Variants in FRMD6 observed in about 807,000 individuals in gnomAD.
FRMD6 encodes FERM domain containing 6.
A neutral mutation model predicts 73.2 loss-of-function variants in FRMD6; 37 were observed. The ratio of observed to expected loss-of-function variants is 0.51; its 90% CI spans 0.39 to 0.66. The LOEUF is 0.66. Among genes scored for constraint, FRMD6 ranks in the 30% least tolerant of loss-of-function variants. The pLI is 0.00. For synonymous variants in FRMD6, 273 were observed against 282.2 expected (o/e 0.97, Z 0.33); for missense variants, 714 against 780.5 (o/e 0.91, Z 1.02).
chr14:51,418,381 C>T, the FRMD6 span, among the ~76,000 whole-genome samples: 25 of 152,192 alleles, frequency 1.6e-4, no homozygotes, highest in South Asian at 1.0e-3. Context: ...TGTTCCTTTC[C>T]GTTTGTTAGT....
intron 2 of FRMD6, among the ~76,000 whole-genome samples, chr14:51,609,426 A>T (rs563645595): frequency 2.0e-4 from 30 of 152,368 alleles, no homozygotes; most frequent in African/African-American, 6.3e-4. Context: ...CTCCACAGAC[A>T]TCGGTGTATG....
chr14:51,711,669 C>A, intron 8 of FRMD6, 73 bp downstream of exon 8: 2 of 1,094,504 alleles, frequency 1.8e-6, no homozygotes, highest in Non-Finnish European at 2.8e-6. Context: ...GTGGTCCTGC[C>A]ACAGGTTCAG....
At chr14:51,444,734 G>A in the FRMD6 span, among the ~76,000 whole-genome samples, 7 of 152,148 alleles carry the variant, frequency 4.6e-5, no homozygotes, top group African/African-American at 1.4e-4. Flanking sequence ...TTCTTCAGAT[G>A]TCTAAATTGT....
intron 1 of FRMD6, among the ~76,000 whole-genome samples, chr14:51,544,254 G>T (rs1009287888): frequency 2.0e-5 from 3 of 151,878 alleles, no homozygotes; most frequent in Non-Finnish European, 4.4e-5. Flanking sequence ...ATGGAATGAG[G>T]TTTTTAAAAC....
chr14:51,718,296 T>G (rs1897342694), intron 10 of FRMD6, among the ~76,000 whole-genome samples: 1 of 152,166 alleles, frequency 6.6e-6, no homozygotes, highest in Non-Finnish European at 1.5e-5. Context: ...GGCAAGTACT[T>G]GTCTTCTCGT....
chr14:51,727,072 C>T (rs1898004031), intron 13 of FRMD6, among the ~76,000 whole-genome samples: 1 of 151,924 alleles, frequency 6.6e-6, no homozygotes, highest in South Asian at 2.1e-4. Flanking sequence ...TGGCGGAACC[C>T]CCCCACCCCC....
chr14:51,467,625 A>T, the FRMD6 span, among the ~76,000 whole-genome samples: 19 of 151,264 alleles, frequency 1.3e-4, no homozygotes, highest in Non-Finnish European at 1.8e-4. Context: ...GCGGCCGGTC[A>T]GAGACGCTCC....
chr14:51,688,163 G>A (rs1895300844), intron 1 of FRMD6, among the ~76,000 whole-genome samples: 1 of 151,890 alleles, frequency 6.6e-6, no homozygotes, highest in Non-Finnish European at 1.5e-5. Context: ...ATAGTTTGTG[G>A]TCCTAGAACA....
At chr14:51,562,949 G>A (rs533483626) in intron 1 of FRMD6, among the ~76,000 whole-genome samples, 61 of 152,346 alleles carry the variant, frequency 4.0e-4, no homozygotes, top group African/African-American at 1.4e-3. Context: ...TGGGACCTCA[G>A]CTAGGGAGAC....
At chr14:51,489,350 C>T (rs1882861514) in exon 1 of FRMD6, 1 of 152,638 alleles carries the variant, frequency 6.6e-6, no homozygotes, top group Admixed American at 6.5e-5. Context: ...GGGGCAGGAG[C>T]TGAAGATTAA....
the FRMD6 span, among the ~76,000 whole-genome samples, chr14:51,418,527 G>C: frequency 1.3e-5 from 2 of 152,204 alleles, no homozygotes; most frequent in South Asian, 4.1e-4. Flanking sequence ...AAGTATTGCT[G>C]CCTGATCCTT....
chr14:51,453,101 A>C, the FRMD6 span, among the ~76,000 whole-genome samples: 355 of 152,284 alleles, frequency 2.3e-3, 1 homozygote, highest in African/African-American at 7.6e-3. Flanking sequence ...GCAGTAATTT[A>C]AGATGAGTGA....
At chr14:51,463,482 A>C in the FRMD6 span, among the ~76,000 whole-genome samples, 3 of 152,226 alleles carry the variant, frequency 2.0e-5, no homozygotes, top group Non-Finnish European at 1.5e-5. Context: ...TTCAATTTGC[A>C]GTTGGTTAAA....
At chr14:51,565,475 G>A (rs542297119) in intron 1 of FRMD6, 1 of 152,196 alleles carries the variant, frequency 6.6e-6, no homozygotes, top group Non-Finnish European at 1.5e-5. Flanking sequence ...TTGCCCAAAG[G>A]TAGTTTGGGT....
In FRMD6 at chr14:51,727,042, C is replaced by T. The variant is rs139941077; in HGVS notation, c.1585-703C>T. On this transcript the variant is annotated intron_variant, in intron 13 of 13. Transcript: ENST00000344768. ...CTTGGGATAATAAAAAAAAGTCTGC[C>T]CCCTGCTGTGTACAGCATTTGGCGG... is the stretch of plus-strand genomic sequence containing the variant. Among the ~76,000 whole-genome samples the T allele has an allele frequency of 4.1e-3, 624 of 151,906 alleles. 5 individuals are homozygous for T. The highest frequency in any genetic ancestry group is 0.014 in the African/African-American group (577 of 41,412).
chr14:51,728,230 A>C lies in FRMD6; in HGVS notation c.*201A>C. 1.8e-6 allele frequency: 1 copy of C among 558,444 alleles called. No homozygotes were observed. The allele number at this position is 558,444 out of a possible 1,614,324, so 34.6% of individuals were successfully genotyped here. On this transcript the variant is annotated 3_prime_UTR_variant, in exon 14 of 14. Transcript: ENST00000344768. ...CACAGAAGTAAAAGAACTACAGAAA[A>C]TGTACAGCAAGACAAGTGCCCGGAA...
At chr14:51,700,630 T>C (rs551481346) in intron 3 of FRMD6, among the ~76,000 whole-genome samples, 2 of 152,136 alleles carry the variant, frequency 1.3e-5, no homozygotes, top group East Asian at 3.9e-4. Context: ...ATTTCTTACA[T>C]AGCAATTAAG....
chr14:51,509,617 G>C (rs1450735408), intron 1 of FRMD6, among the ~76,000 whole-genome samples: 1 of 152,106 alleles, frequency 6.6e-6, no homozygotes, highest in South Asian at 2.1e-4. Flanking sequence ...GCACATATAT[G>C]TATATACTTT....
At chr14:51,537,813 G>C (rs148586727) in intron 1 of FRMD6, among the ~76,000 whole-genome samples, 23 of 152,128 alleles carry the variant, frequency 1.5e-4, no homozygotes, top group African/African-American at 4.8e-4. Context: ...ATCTTCTTTG[G>C]TGTGGTGTCT....
Sources: gnomAD v4.1 joint callset for allele counts (sites outside exome capture counted in the v4.1 genomes callset) on GRCh38, gnomAD v4.1.1 for gene constraint, MANE v1.5 for transcripts, NCBI Gene and HGNC (gene_info 2026-07-23, HGNC 2026-07-21) for gene names.